Variants in CHI3L1 observed in about 807,000 individuals in gnomAD.
The protein encoded by CHI3L1 is chitinase-3-like protein 1.
In CHI3L1, 30 loss-of-function variants were observed where a neutral mutation model predicts 40.7. The ratio of observed to expected loss-of-function variants is 0.74; its 90% CI spans 0.55 to 1.00. The LOEUF (loss-of-function observed/expected upper bound fraction) is 1.00. CHI3L1 is among the 50% of genes least tolerant of loss of function. The pLI is 0.00. For missense variants in CHI3L1, 493 were observed against 492.2 expected (o/e 1.00, Z -0.01); for synonymous variants, 210 against 192.1 (o/e 1.09, Z -0.77).
rs749421261 is a variant in CHI3L1 at position 203,185,222 on chromosome 1, A to G, written c.219T>C (p.Asp73=). The change falls in exon 3 of 10, where the codon GAT becomes GAC. Residue 73 remains aspartate (D), a synonymous_variant. Transcript: ENST00000255409. ...NDHIDTWEWN[D]VTLYGMLNTL... ...TGTTGAGCATGCCGTAGAGCGTCAC[A>G]TCATTCCACTCCCAGGTGTCGATGT... The G allele has an allele frequency of 1.2e-6, 2 of 1,613,958 alleles. No homozygotes were observed. Among genetic ancestry groups the G allele is most frequent in the East Asian group, 2.2e-5 (1 of 44,876 alleles).
intron 8 of CHI3L1, 68 bp downstream of exon 8, chr1:203,180,402 T>G: frequency 7.2e-7 from 1 of 1,384,760 alleles, no homozygotes; most frequent in South Asian, 1.5e-5. Context: ...AAGAACGTGG[T>G]GGGGAATCAC....
In CHI3L1 at chr1:203,182,908, C is replaced by T. The variant is rs1571828341; in HGVS notation, c.466-56G>A. ...GGTCCCAAGTGGCATGAGAGGTAGA[C>T]TCATCGAGGGCGGACTAGGTCTCTG... On this transcript the variant is annotated intron_variant, in intron 5 of 9. Coordinates refer to ENST00000255409, the MANE Select transcript of CHI3L1 (RefSeq NM_001276.4). The T allele has an allele frequency of 1.9e-6, 3 of 1,596,534 alleles. No homozygotes were observed. The East Asian group carries it at 6.7e-5, about 36-fold the overall frequency.
intron 2 of CHI3L1, among the ~76,000 whole-genome samples, chr1:203,185,749 C>G (rs913797159): frequency 1.3e-5 from 2 of 152,146 alleles, no homozygotes; most frequent in Admixed American, 6.5e-5. Flanking sequence ...GGGGAAGGCC[C>G]AAGATAGCCT....
rs1161392519 is a variant in CHI3L1 at position 203,180,638 on chromosome 1, C to T, written c.726G>A (p.Gly242=). The change falls in exon 8 of 10, where the codon GGG becomes GGA. Residue 242 remains glycine, a synonymous_variant. Transcript: ENST00000255409. ...CAGGAGCCCCCAGCCTCAACATGTACCCCACAGCATAGTCCTGGGTGGGGT... is the reference window on the plus strand; with the variant it reads ...CAGGAGCCCCCAGCCTCAACATGTATCCCACAGCATAGTCCTGGGTGGGGT... ...DRFSNTDYAV[G]YMLRLGAPAS... The T allele has an allele frequency of 1.2e-6, 2 of 1,611,424 alleles. No homozygotes were observed. The highest frequency in any genetic ancestry group is 2.2e-5 in the South Asian group (2 of 90,600).
intron 6 of CHI3L1, 189 bp from the exon 7 acceptor site, chr1:203,181,474 A>G (rs1462225628): frequency 2.1e-6 from 1 of 476,744 alleles, no homozygotes; most frequent in East Asian, 4.6e-5. Context: ...TACGAAAATT[A>G]GCCAGGCATG....
At chr1:203,184,461 G>A in intron 4 of CHI3L1, 115 bp downstream of exon 4, 2 of 831,518 alleles carry the variant, frequency 2.4e-6, no homozygotes, top group South Asian at 3.0e-5. Flanking sequence ...GGTAGGCCTT[G>A]TACCTATCTA....
In CHI3L1 at chr1:203,180,585, G is replaced by A. The variant is rs955305477; in HGVS notation, c.779C>T (p.Thr260Ile). 4 of 1,612,858 alleles carry A rather than the reference G, an allele frequency of 2.5e-6. No homozygotes were observed. Among genetic ancestry groups the A allele is most frequent in the Non-Finnish European group, 3.4e-6 (4 of 1,179,530 alleles). Residue 260 changes from threonine (T) to isoleucine (I), a missense_variant, in exon 8 of 10, where the codon ACC (threonine) becomes ATC (isoleucine). Transcript: ENST00000255409. ...AGCCAGAGTGAAGCTCCTCCCGAAG[G>A]TGGGGATGCCCATCACCAGCTTACT... ...PASKLVMGIP[T>I]FGRSFTLASS...
At chr1:203,185,639 A>G (rs1271496704) in intron 2 of CHI3L1, among the ~76,000 whole-genome samples, 2 of 152,228 alleles carry the variant, frequency 1.3e-5, no homozygotes, top group Non-Finnish European at 2.9e-5. Flanking sequence ...TGAATACGCT[A>G]CAGGCACTGT....
chr1:203,181,052 AC>A, intron 7 of CHI3L1, 109 bp downstream of exon 7: 18 of 1,380,712 alleles, frequency 1.3e-5, no homozygotes, highest in South Asian at 1.5e-5. Context: ...GGGCCTCATG[AC>A]CCCCCTCTTG....
intron 3 of CHI3L1, 137 bp downstream of exon 3, chr1:203,185,043 TCCAC>T: frequency 1.5e-6 from 1 of 680,846 alleles, no homozygotes; most frequent in Non-Finnish European, 2.6e-6. Context: ...AGTCATCCCC[TCCAC>T]CCATTTAAGC....
rs1656062030 is a variant in CHI3L1 at position 203,186,627 on chromosome 1, G to C, written c.-4C>G. On this transcript the variant is annotated 5_prime_UTR_variant, in exon 1 of 10. Transcript: ENST00000255409. ...TTTGAGACGCCTTCACACCCATTCTGGCTGCAGCAGAGCAGGGCAGGGTGT... is the reference window on the plus strand; with the variant it reads ...TTTGAGACGCCTTCACACCCATTCTCGCTGCAGCAGAGCAGGGCAGGGTGT... 2 of 1,613,962 alleles carry C rather than the reference G, an allele frequency of 1.2e-6. No individual in the cohort carries two copies. The highest frequency in any genetic ancestry group is 3.3e-5 in the Admixed American group (2 of 60,000).
intron 3 of CHI3L1, 126 bp downstream of exon 3, chr1:203,185,058 C>T: frequency 1.3e-6 from 1 of 763,550 alleles, no homozygotes; most frequent in East Asian, 2.5e-5. Flanking sequence ...CCATTTAAGC[C>T]AAGCCCCTCT....
rs1655876609 is a variant in CHI3L1, at chr1:203,179,386, G to A, written c.*59C>T. The A allele has an allele frequency of 6.9e-7, 1 of 1,454,820 alleles. No homozygotes were observed. The highest frequency in any genetic ancestry group is 2.3e-5 in the Admixed American group (1 of 43,982). 90.1% of individuals were successfully genotyped at this position (1,454,820 alleles called of 1,614,324 possible). A position where few individuals can be genotyped will look rare whatever the true frequency, so the allele number is the denominator to read the frequency against. On this transcript the variant is annotated 3_prime_UTR_variant, in exon 10 of 10. Coordinates refer to ENST00000255409, the MANE Select transcript of CHI3L1 (RefSeq NM_001276.4). ...GGGCAGGTGATCAGGCTCCCGGCCA[G>A]CTGGAGCCAGAGGGGGACGGGGCAT...
rs1284324254 is a variant in CHI3L1, at chr1:203,180,618, G to A, written c.746C>T (p.Ala249Val). Residue 249 changes from alanine (A) to valine (V), a missense_variant, in exon 8 of 10, where the codon GCT becomes GTT. Transcript: ENST00000255409. ...YAVGYMLRLG[A>V]PASKLVMGIP... ...GCCCATCACCAGCTTACTGGCAGGA[G>A]CCCCCAGCCTCAACATGTACCCCAC... 2 of 1,455,736 alleles carry A rather than the reference G, an allele frequency of 1.4e-6. No homozygotes were observed. The highest frequency in any genetic ancestry group is 1.1e-5 in the South Asian group (1 of 88,898). 90.2% of individuals were successfully genotyped at this position (1,455,736 alleles called of 1,614,324 possible).
chr1:203,182,585 C>T lies in CHI3L1; in HGVS notation c.587+146G>A, dbSNP rs1655958623. 7.0e-6 allele frequency: 6 copies of T among 858,474 alleles called. No homozygotes were observed. In the Middle Eastern group the frequency reaches 1.0e-3, roughly 150 times the overall value. 53.2% of individuals were successfully genotyped at this position (858,474 alleles called of 1,614,324 possible). Reference sequence around the variant, plus strand: ...AGGCACAGGGCAGGGAAGTGACTTGCTCAAGGTCACACATCAAGGCTTTGG... The same window carrying T: ...AGGCACAGGGCAGGGAAGTGACTTGTTCAAGGTCACACATCAAGGCTTTGG... On this transcript the variant is annotated intron_variant, in intron 6 of 9. Transcript: ENST00000255409.
chr1:203,180,671 G>GA lies in CHI3L1; in HGVS notation c.712-20dup. The GA allele has an allele frequency of 1.2e-5, 9 of 728,500 alleles. No individual in the cohort carries two copies. Among genetic ancestry groups the GA allele is most frequent in the Non-Finnish European group, 2.1e-5 (9 of 427,584 alleles). The allele number at this position is 728,500 out of a possible 1,614,324, so 45.1% of individuals were successfully genotyped here. ...CATAGTCCTGGGTGGGGTAGGGTGGGAACAACGTGAGCAGTTAGTGCACAG... is the reference window on the plus strand; with the variant it reads ...CATAGTCCTGGGTGGGGTAGGGTGGGAAACAACGTGAGCAGTTAGTGCACAG... On this transcript the variant is annotated intron_variant, in intron 7 of 9. Coordinates refer to ENST00000255409, the MANE Select transcript of CHI3L1 (RefSeq NM_001276.4).
At chr1:203,181,582 G>A (rs1436888572) in intron 6 of CHI3L1, 2 of 212,716 alleles carry the variant, frequency 9.4e-6, no homozygotes, top group African/African-American at 2.3e-5. Flanking sequence ...TCCGGCCTGG[G>A]CAACAGAGTG....
At position 203,179,599 on chromosome 1, in the gene CHI3L1, C is replaced by A. The variant is rs373596867; in HGVS notation, c.1012-14G>T. ...CAGGTACTGCACCTGGCAGGGGAGG[C>A]CCAGAGGAGCAGGGCTGGGTTCCCT... On this transcript the variant is annotated splice_polypyrimidine_tract_variant and intron_variant, in intron 9 of 9. Transcript: ENST00000255409. The A allele has an allele frequency of 1.6e-5, 26 of 1,612,360 alleles. No homozygotes were observed. Among genetic ancestry groups the A allele is most frequent in the Non-Finnish European group, 2.1e-5 (25 of 1,178,842 alleles).
intron 2 of CHI3L1, among the ~76,000 whole-genome samples, chr1:203,185,620 T>G (rs1656040309): frequency 6.6e-6 from 1 of 152,176 alleles, no homozygotes; most frequent in African/African-American, 2.4e-5. Flanking sequence ...AAAGATCCAA[T>G]GCAGGGGATG....
Sources: allele counts gnomAD v4.1 joint callset (sites outside exome capture counted in the v4.1 genomes callset), GRCh38; gene constraint gnomAD v4.1.1; transcripts MANE v1.5; gene names NCBI Gene and HGNC (gene_info 2026-07-23, HGNC 2026-07-21).